Variants in DLC1 observed in about 807,000 individuals in gnomAD.
DLC1 encodes the protein rho GTPase-activating protein 7.
In DLC1, 54 loss-of-function variants were observed where a neutral mutation model predicts 140.3. That is an observed-to-expected ratio of 0.38 (90% CI 0.31 to 0.48). The LOEUF is 0.48. Among genes scored for constraint, DLC1 ranks in the 20% least tolerant of loss-of-function variants. The pLI is 0.96. For synonymous variants in DLC1, 986 were observed against 728.1 expected (o/e 1.35, Z -5.70); for missense variants, 2,536 against 1,907.0 (o/e 1.33, Z -6.14).
intron 5 of DLC1, among the ~76,000 whole-genome samples, chr8:13,155,777 G>A (rs944567348): frequency 3.3e-5 from 5 of 152,124 alleles, no homozygotes; most frequent in African/African-American, 1.2e-4. Context: ...TAGTTCACAT[G>A]AGGAATAAAA....
chr8:13,261,809 A>G (rs1830480815), intron 5 of DLC1, among the ~76,000 whole-genome samples: 1 of 152,222 alleles, frequency 6.6e-6, no homozygotes, highest in Admixed American at 6.5e-5. Context: ...TCAATTTTTG[A>G]CATGTTATGT....
intron 4 of DLC1, among the ~76,000 whole-genome samples, chr8:13,317,161 C>T (rs1269020133): frequency 6.6e-6 from 1 of 152,048 alleles, no homozygotes; most frequent in Admixed American, 6.6e-5. Context: ...GACATATTTT[C>T]AATGTAGACT....
intron 1 of DLC1, among the ~76,000 whole-genome samples, chr8:13,594,949 T>G (rs1001193074): frequency 2.6e-5 from 4 of 152,058 alleles, no homozygotes; most frequent in Non-Finnish European, 4.4e-5. Context: ...ATTGATTGAT[T>G]CTTAATCTTT....
intron 5 of DLC1, among the ~76,000 whole-genome samples, chr8:13,132,529 C>A (rs1481269657): frequency 6.6e-6 from 1 of 152,134 alleles, no homozygotes; most frequent in African/African-American, 2.4e-5. Flanking sequence ...TGGTGAATGA[C>A]AGGAGATCAG....
At chr8:13,328,678 G>A (rs1833468702) in intron 4 of DLC1, among the ~76,000 whole-genome samples, 1 of 152,134 alleles carries the variant, frequency 6.6e-6, no homozygotes, top group Admixed American at 6.6e-5. Context: ...TATATTTTGA[G>A]ACTTTGACAT....
In DLC1 at chr8:13,546,493, C is replaced by T. The variant is rs1035641413; in HGVS notation, c.-125-46297G>A. 1.8e-4 allele frequency among the ~76,000 whole-genome samples: 28 copies of T among 152,116 alleles called. 1 individual carries two copies. The highest frequency in any genetic ancestry group is 1.2e-3 in the Admixed American group (18 of 15,260). On this transcript the variant is annotated intron_variant, in intron 1 of 1. Coordinates refer to the DLC1 transcript ENST00000631382. ...AAAGCACATTTATCTACAAATTTTA[C>T]AAGATCATATTTTAGGTGCAACTTG...
At position 13,312,349 on chromosome 8, in the gene DLC1, A is replaced by T. The variant is rs537214061; in HGVS notation, c.1315-7047T>A. Among the ~76,000 whole-genome samples, 36 of 65,256 alleles carry T rather than the reference A, an allele frequency of 5.5e-4. 1 individual carries two copies. The highest frequency in any genetic ancestry group is 2.2e-3 in the African/African-American group (36 of 16,156). The allele number at this position is 65,256 out of a possible 152,430, so 42.8% of individuals were successfully genotyped here. A position where few individuals can be genotyped will look rare whatever the true frequency, so the allele number is the denominator to read the frequency against. On this transcript the variant is annotated intron_variant, in intron 4 of 17. Coordinates refer to ENST00000276297, the MANE Select transcript of DLC1 (RefSeq NM_182643.3). ...GCACTCCAGCCTGGGCGACAGAGCGAGACTCCGTCTCAAAAAAAAAAAAAA... is the reference window on the plus strand; with the variant it reads ...GCACTCCAGCCTGGGCGACAGAGCGTGACTCCGTCTCAAAAAAAAAAAAAA...
At chr8:13,482,451 A>T (rs1472977106) in intron 2 of DLC1, among the ~76,000 whole-genome samples, 2 of 152,156 alleles carry the variant, frequency 1.3e-5, no homozygotes, top group African/African-American at 4.8e-5. Flanking sequence ...ATGCTGTCTG[A>T]CTAGAAGTGT....
upstream of DLC1, among the ~76,000 whole-genome samples, chr8:13,519,813 G>T (rs1331884759): frequency 6.6e-6 from 1 of 152,154 alleles, no homozygotes; most frequent in African/African-American, 2.4e-5. Flanking sequence ...ATGGGCAAAA[G>T]ATATGAACAG....
intron 5 of DLC1, among the ~76,000 whole-genome samples, chr8:13,257,526 C>G (rs759077265): frequency 2.0e-5 from 3 of 151,580 alleles, no homozygotes; most frequent in Non-Finnish European, 4.4e-5. Context: ...ATGATCTTGA[C>G]CAATATAATC....
At chr8:13,561,680 G>C (rs924843014) in intron 1 of DLC1, among the ~76,000 whole-genome samples, 1 of 151,998 alleles carries the variant, frequency 6.6e-6, no homozygotes, top group African/African-American at 2.4e-5. Context: ...TGCAATAATA[G>C]CAGTTTACAG....
intron 6 of DLC1, among the ~76,000 whole-genome samples, chr8:13,111,873 G>A (rs1010061460): frequency 6.6e-6 from 1 of 152,144 alleles, no homozygotes; most frequent in African/African-American, 2.4e-5. Context: ...GCTGGGCACT[G>A]TGGCTCACAT....
intron 5 of DLC1, among the ~76,000 whole-genome samples, chr8:13,137,105 T>G (rs1822621371): frequency 6.6e-6 from 1 of 152,158 alleles, no homozygotes; most frequent in Non-Finnish European, 1.5e-5. Context: ...TTACCCTTTG[T>G]GAATCTGAGG....
At chr8:13,591,012 T>G (rs1805497733) in intron 1 of DLC1, among the ~76,000 whole-genome samples, 1 of 152,120 alleles carries the variant, frequency 6.6e-6, no homozygotes, top group South Asian at 2.1e-4. Context: ...TGGAGGTACT[T>G]TCAATTGACA....
chr8:13,189,001 T>A (rs1444306796), intron 5 of DLC1, among the ~76,000 whole-genome samples: 1 of 151,402 alleles, frequency 6.6e-6, no homozygotes, highest in Non-Finnish European at 1.5e-5. Context: ...TATTAAATAT[T>A]TTTAAACAAA....
chr8:13,415,556 C>A (rs555803011), intron 2 of DLC1, among the ~76,000 whole-genome samples: 1 of 152,078 alleles, frequency 6.6e-6, no homozygotes, highest in African/African-American at 2.4e-5. Flanking sequence ...CCCGCCACCA[C>A]ACCCGGCTAG....
intron 5 of DLC1, among the ~76,000 whole-genome samples, chr8:13,257,198 G>A (rs1830266910): frequency 6.6e-6 from 1 of 150,810 alleles, no homozygotes; most frequent in African/African-American, 2.4e-5. Flanking sequence ...CAGTTCCCGG[G>A]ACTACATATG....
intron 1 of DLC1, among the ~76,000 whole-genome samples, chr8:13,548,285 T>C (rs1803721355): frequency 6.6e-6 from 1 of 152,062 alleles, no homozygotes; most frequent in Admixed American, 6.6e-5. Context: ...TATGGCATTA[T>C]GTACTTGGAT....
intron 4 of DLC1, among the ~76,000 whole-genome samples, chr8:13,372,145 AGTGT>A (rs56329029): frequency 6.7e-6 from 1 of 150,116 alleles, no homozygotes; most frequent in South Asian, 2.1e-4. Flanking sequence ...TTCAAAAAAA[AGTGT>A]GTGTGTGTGT....
Sources: allele counts gnomAD v4.1 joint callset (sites outside exome capture counted in the v4.1 genomes callset), GRCh38; gene constraint gnomAD v4.1.1; transcripts MANE v1.5; gene names NCBI Gene and HGNC (gene_info 2026-07-23, HGNC 2026-07-21).